The following ZNF83 variants were observed in gnomAD, a reference collection of about 807,000 sequenced individuals.
The protein encoded by ZNF83 is zinc finger protein 83.
For synonymous variants in ZNF83, 209 were observed against 213.0 expected, an observed-to-expected ratio of 0.98 and a Z score of 0.17; for missense variants, 552 against 629.9, an observed-to-expected ratio of 0.88 and a Z score of 1.32.
intron 2 of ZNF83, among the ~76,000 whole-genome samples, chr19:52,619,701 G>A (rs1381398601): frequency 6.6e-6 from 1 of 151,976 alleles, no homozygotes; most frequent in Non-Finnish European, 1.5e-5. Context: ...GATAGAGCAT[G>A]AGTGATGCCT....
At chr19:52,641,026 G>A (rs979444179), upstream of ZNF83, among the ~76,000 whole-genome samples, 3 of 151,980 alleles carry the variant, frequency 2.0e-5, no homozygotes, top group African/African-American at 7.2e-5. Flanking sequence ...GAGAGAGCCC[G>A]AACCCGACCC....
At chr19:52,671,061 A>T (rs372405658) in intron 1 of ZNF83, among the ~76,000 whole-genome samples, 2 of 152,352 alleles carry the variant, frequency 1.3e-5, no homozygotes, top group Middle Eastern at 3.4e-3. Context: ...AGATCTAGCT[A>T]TGTTAACAGA....
chr19:52,653,455 A>C (rs924580317), intron 3 of ZNF83, among the ~76,000 whole-genome samples: 2 of 152,188 alleles, frequency 1.3e-5, no homozygotes, highest in Admixed American at 6.5e-5. Flanking sequence ...ATTATGCCTA[A>C]AAGCTTTGTC....
At position 52,658,376 on chromosome 19, in the gene ZNF83, G is replaced by A. The variant is rs983583811; in HGVS notation, c.-201+2386C>T. 1.9e-4 allele frequency among the ~76,000 whole-genome samples: 29 copies of A among 152,228 alleles called. No individual in the cohort carries two copies. The South Asian group carries it at 2.3e-3, about 12-fold the overall frequency. On this transcript the variant is annotated intron_variant, in intron 2 of 5. Coordinates refer to the ZNF83 transcript ENST00000594682. The stretch of plus-strand genomic sequence containing the variant: ...AGGTCAGAAGTTCATGACCGGCCTG[G>A]CCAACATGGTGAAATTTCATCTCTA...
chr19:52,620,288 GTGTGTA>G (rs1479852796), intron 2 of ZNF83, among the ~76,000 whole-genome samples: 4 of 145,866 alleles, frequency 2.7e-5, no homozygotes, highest in Non-Finnish European at 4.6e-5. Context: ...GTGTGTGTGT[GTGTGTA>G]TATATAGTTT....
chr19:52,655,486 AAG>A (rs2061493334), intron 3 of ZNF83: 2 of 1,322,362 alleles, frequency 1.5e-6, no homozygotes, highest in Non-Finnish European at 1.1e-6. Flanking sequence ...AAAATCACAA[AAG>A]AGAATACAAA....
intron 3 of ZNF83, among the ~76,000 whole-genome samples, chr19:52,649,446 G>A (rs1327951394): frequency 6.6e-6 from 1 of 152,114 alleles, no homozygotes; most frequent in East Asian, 1.9e-4. Flanking sequence ...GTTTGGGAAC[G>A]TAAATACCTA....
chr19:52,654,173 G>A (rs1386967959), intron 3 of ZNF83: 18 of 1,602,084 alleles, frequency 1.1e-5, no homozygotes, highest in Middle Eastern at 1.7e-4. Context: ...TGATCACGTC[G>A]GTCTGTACTA....
chr19:52,673,873 G>A (rs539262460), intron 1 of ZNF83, among the ~76,000 whole-genome samples: 41 of 151,358 alleles, frequency 2.7e-4, no homozygotes, highest in South Asian at 1.5e-3. Context: ...AAAATTAACC[G>A]GGCCTGGTGG....
At chr19:52,654,011 T>G (rs1394210342) in intron 3 of ZNF83, 3 of 1,538,138 alleles carry the variant, frequency 2.0e-6, no homozygotes, top group Non-Finnish European at 1.8e-6. Context: ...CAAGAAATTC[T>G]TTGGGATGTT....
In ZNF83 at chr19:52,648,695, CCA is replaced by C. The variant is rs541437430; in HGVS notation, c.-74+6864_-74+6865del. On this transcript the variant is annotated intron_variant, in intron 3 of 5. Transcript: ENST00000594682. ...TTGCAGGTGTTGTGCCTTAGATCCA[CCA>C]CAGTCAGCTGAAACTGGCAGCTCAA... Among the ~76,000 whole-genome samples the C allele has an allele frequency of 2.9e-3, 446 of 152,272 alleles. 5 individuals are homozygous for C. The highest frequency in any genetic ancestry group is 0.01 in the African/African-American group (418 of 41,534).
At chr19:52,639,215 TA>T (rs2061251552), upstream of ZNF83, among the ~76,000 whole-genome samples, 4 of 151,904 alleles carry the variant, frequency 2.6e-5, no homozygotes, top group South Asian at 8.3e-4. Flanking sequence ...ATCTCCCAAG[TA>T]GCTGGGATCA....
chr19:52,687,643 A>ATATTGTG (rs2062067423), intron 1 of ZNF83, among the ~76,000 whole-genome samples: 1 of 36,572 alleles, frequency 2.7e-5, no homozygotes, highest in Non-Finnish European at 4.4e-5. Context: ...GTATATATAT[A>ATATTGTG]TATATATATA....
At chr19:52,647,949 C>T (rs1382145334) in intron 3 of ZNF83, among the ~76,000 whole-genome samples, 1 of 151,502 alleles carries the variant, frequency 6.6e-6, no homozygotes, top group African/African-American at 2.4e-5. Context: ...AGCTGTGTTC[C>T]CTGCTGTTGT....
chr19:52,661,885 C>T (rs1477771910), intron 1 of ZNF83, among the ~76,000 whole-genome samples: 1 of 150,548 alleles, frequency 6.6e-6, no homozygotes, highest in African/African-American at 2.4e-5. Context: ...GGAAGAAAGG[C>T]TGCTTGTCAC....
chr19:52,690,006 G>T (rs1011797803), intron 1 of ZNF83, among the ~76,000 whole-genome samples: 4 of 152,144 alleles, frequency 2.6e-5, no homozygotes. Flanking sequence ...GACAAGGGTG[G>T]GGTCTGCAGG....
chr19:52,676,153 G>T (rs891338099), intron 1 of ZNF83, among the ~76,000 whole-genome samples: 1 of 152,174 alleles, frequency 6.6e-6, no homozygotes, highest in East Asian at 1.9e-4. Flanking sequence ...ACTGGTTTTC[G>T]TATTTTTTTG....
chr19:52,669,819 A>G (rs2061699889), intron 1 of ZNF83, among the ~76,000 whole-genome samples: 1 of 152,234 alleles, frequency 6.6e-6, no homozygotes, highest in South Asian at 2.1e-4. Flanking sequence ...GCAGAGGCTC[A>G]TAAAAATGGC....
chr19:52,638,155 A>T (rs925395733), intron 1 of ZNF83, among the ~76,000 whole-genome samples, 157 bp downstream of exon 1: 16 of 152,336 alleles, frequency 1.1e-4, no homozygotes, highest in African/African-American at 3.8e-4. Flanking sequence ...TTTAAACCCA[A>T]AAGGAAGCGA....
Sources: gnomAD v4.1 joint callset for allele counts (sites outside exome capture counted in the v4.1 genomes callset) on GRCh38, gnomAD v4.1.1 for gene constraint, MANE v1.5 for transcripts, NCBI Gene and HGNC (gene_info 2026-07-23, HGNC 2026-07-21) for gene names.